The following TMEM67 variants were observed in gnomAD, a reference collection of about 807,000 sequenced individuals.
TMEM67 encodes meckelin.
TMEM67 carries 124 observed loss-of-function variants against 136.6 expected under a neutral mutation model. The observed-to-expected ratio is 0.91, with a 90% confidence interval of 0.78 to 1.05. TMEM67 has a LOEUF of 1.05. TMEM67 is among the 50% of genes least tolerant of loss of function. The pLI is 0.00. For synonymous variants in TMEM67, 364 were observed against 390.5 expected (o/e 0.93, Z 0.80); for missense variants, 1,107 against 1,178.4 (o/e 0.94, Z 0.89).
At chr8:93,811,771 C>A (rs777428879) in intron 26 of TMEM67, among the ~76,000 whole-genome samples, 1 of 151,776 alleles carries the variant, frequency 6.6e-6, no homozygotes, top group African/African-American at 2.4e-5. Flanking sequence ...ATTTAGAAAC[C>A]ACTGCTAGTG....
At chr8:93,785,756 C>G (rs1814067673) in intron 12 of TMEM67, 1 of 207,428 alleles carries the variant, frequency 4.8e-6, no homozygotes, top group South Asian at 9.4e-5. Context: ...GAAAGCCTTC[C>G]AAATTTATGA....
rs1164903455 is a variant in TMEM67 at position 93,797,251 on chromosome 8, T to C, written c.1960+18T>C. 1 of 1,612,016 alleles carries C rather than the reference T, an allele frequency of 6.2e-7. No individual in the cohort carries two copies. The highest frequency in any genetic ancestry group is 8.5e-7 in the Non-Finnish European group (1 of 1,178,168). On this transcript the variant is annotated intron_variant, in intron 19 of 27. Coordinates refer to ENST00000453321, the MANE Select transcript of TMEM67 (RefSeq NM_153704.6). ...TGTTGAAGGTAACTGAAATAAAAAA[T>C]ATTTGTACCAAAATTCTTTTGCTAC...
chr8:93,760,120 A>G, intron 3 of TMEM67: 1 of 551,200 alleles, frequency 1.8e-6, no homozygotes, highest in Non-Finnish European at 2.7e-6. Context: ...AAAGGACCCT[A>G]ATAAATTCTA....
intron 26 of TMEM67, 61 bp downstream of exon 26, chr8:93,809,948 C>A: frequency 9.5e-7 from 1 of 1,047,252 alleles, no homozygotes; most frequent in Non-Finnish European, 1.4e-6. Flanking sequence ...GAAAAAAGTG[C>A]TTGTAGATAT....
chr8:93,770,867 T>C (rs1813296968), intron 6 of TMEM67, among the ~76,000 whole-genome samples: 1 of 151,930 alleles, frequency 6.6e-6, no homozygotes, highest in Non-Finnish European at 1.5e-5. Context: ...ATACAAAAAT[T>C]AGCTGGGCGT....
chr8:93,775,184 G>T (rs1308058104), intron 7 of TMEM67, among the ~76,000 whole-genome samples: 1 of 152,124 alleles, frequency 6.6e-6, no homozygotes, highest in Non-Finnish European at 1.5e-5. Flanking sequence ...CATATCCTTT[G>T]CCCACTTTTT....
chr8:93,824,077 T>C (rs991233348), downstream of TMEM67, among the ~76,000 whole-genome samples: 2 of 152,196 alleles, frequency 1.3e-5, no homozygotes, highest in Admixed American at 6.5e-5. Flanking sequence ...CAGTTTTCTT[T>C]TGCAGCTGCT....
intron 18 of TMEM67, among the ~76,000 whole-genome samples, chr8:93,796,546 A>G (rs1055415508): frequency 6.6e-6 from 1 of 152,202 alleles, no homozygotes; most frequent in Non-Finnish European, 1.5e-5. Flanking sequence ...GAGGTGAAGT[A>G]TCTCATACTT....
chr8:93,814,744 C>T (rs1262803673), intron 26 of TMEM67, among the ~76,000 whole-genome samples: 1 of 151,582 alleles, frequency 6.6e-6, no homozygotes, highest in African/African-American at 2.4e-5. Context: ...GCCTCAGCCT[C>T]CCAAAGTGCT....
In TMEM67 at chr8:93,754,914, C is replaced by A; in HGVS notation, c.-1C>A. The A allele has an allele frequency of 1.2e-6, 2 of 1,613,554 alleles. No homozygotes were observed. Among genetic ancestry groups the A allele is most frequent in the East Asian group, 4.5e-5 (2 of 44,870 alleles). On this transcript the variant is annotated 5_prime_UTR_variant, in exon 1 of 28. Transcript: ENST00000453321. ...GCTGTGAGGCTTCCAGCGTCGGTAC[C>A]ATGGCGACGCGCGGTGGGGCTGGGG... is the stretch of plus-strand genomic sequence containing the variant.
chr8:93,830,037 A>G, the TMEM67 span, among the ~76,000 whole-genome samples: 1 of 152,154 alleles, frequency 6.6e-6, no homozygotes, highest in Non-Finnish European at 1.5e-5. Flanking sequence ...AGGAAGGAAA[A>G]CTGCACCAAG....
At position 93,754,998 on chromosome 8, in the gene TMEM67, G is replaced by C. The variant is rs1295321867; in HGVS notation, c.84G>C (p.Leu28Phe). 5 of 1,614,206 alleles carry C rather than the reference G, an allele frequency of 3.1e-6. No individual in the cohort carries two copies. Among genetic ancestry groups the C allele is most frequent in the Non-Finnish European group, 4.2e-6 (5 of 1,180,034 alleles). The change falls in exon 1 of 28, where the codon TTG (leucine) becomes TTC (phenylalanine). Residue 28 changes from leucine to phenylalanine, a missense_variant. Leu to Phe is a conservative substitution (Grantham distance 22). This residue lies in a region of TMEM67 where 178 missense variants were observed against 159.2 expected (regional missense o/e 1.12). Transcript: ENST00000453321. ...SARAVTAFLL[L>F]FLPRFLQAQT... is the part of the protein sequence containing the mutation. ...GGGCCGTGACCGCGTTCCTTCTGTT[G>C]TTCCTCCCTCGCTTCTTACAGGCCC...
chr8:93,809,910 G>A, intron 26 of TMEM67, 23 bp downstream of exon 26: 1 of 1,410,712 alleles, frequency 7.1e-7, no homozygotes, highest in Non-Finnish European at 1.0e-6. Flanking sequence ...TCCCTTTGTA[G>A]AACTTGATAA....
intron 3 of TMEM67, chr8:93,759,012 T>C: frequency 6.4e-6 from 1 of 155,380 alleles, no homozygotes; most frequent in South Asian, 2.0e-4. Context: ...CTCTTAATAT[T>C]GTAGGATTAG....
At chr8:93,823,047 A>G (rs1282279720), downstream of TMEM67, among the ~76,000 whole-genome samples, 1 of 152,214 alleles carries the variant, frequency 6.6e-6, no homozygotes, top group Non-Finnish European at 1.5e-5. Context: ...AAGACAGAAC[A>G]ACAAATCAAT....
intron 26 of TMEM67, among the ~76,000 whole-genome samples, chr8:93,811,674 A>C (rs575620062): frequency 6.6e-6 from 1 of 152,250 alleles, no homozygotes; most frequent in East Asian, 1.9e-4. Context: ...TATTATATAG[A>C]GTAGTAATTA....
At chr8:93,804,637 T>C in intron 22 of TMEM67, 125 bp from the exon 23 acceptor site, 2 of 629,916 alleles carry the variant, frequency 3.2e-6, no homozygotes, top group South Asian at 1.8e-5. Flanking sequence ...TTATCCTCTT[T>C]ATATATTTCC....
intron 18 of TMEM67, among the ~76,000 whole-genome samples, chr8:93,796,773 A>G (rs756776334): frequency 6.6e-6 from 1 of 152,246 alleles, no homozygotes; most frequent in Non-Finnish European, 1.5e-5. Flanking sequence ...TTACTTATAA[A>G]GAAGTCAGCT....
chr8:93,806,494 T>C (rs1466599294), intron 23 of TMEM67, among the ~76,000 whole-genome samples: 1 of 152,128 alleles, frequency 6.6e-6, no homozygotes, highest in African/African-American at 2.4e-5. Context: ...TGATAAAATA[T>C]TAGTAATTGC....
Sources: gnomAD v4.1 joint callset for allele counts (sites outside exome capture counted in the v4.1 genomes callset) on GRCh38, gnomAD v4.1.1 for gene constraint, gnomAD v4.1.1 regional missense constraint, MANE v1.5 for transcripts, NCBI Gene and HGNC (gene_info 2026-07-23, HGNC 2026-07-21) for gene names.